DGKB: variants seen among roughly 807,000 people sequenced by gnomAD.
DGKB encodes the protein 90 kDa diacylglycerol kinase.
A neutral mutation model predicts 114.3 loss-of-function variants in DGKB; 67 were observed. The ratio of observed to expected loss-of-function variants is 0.59; its 90% CI spans 0.48 to 0.72. The LOEUF (loss-of-function observed/expected upper bound fraction) is 0.72. Among genes scored for constraint, DGKB ranks in the 30% least tolerant of loss-of-function variants. The pLI is 0.00. For synonymous variants in DGKB, 398 were observed against 323.1 expected (o/e 1.23, Z -2.49); for missense variants, 907 against 975.2 (o/e 0.93, Z 0.93).
At chr7:14,935,532 C>G (rs750245617) in intron 1 of DGKB, among the ~76,000 whole-genome samples, 58 of 152,034 alleles carry the variant, frequency 3.8e-4, no homozygotes, top group Admixed American at 7.2e-4. Context: ...TCATAGTAAT[C>G]ATAAATAGCA....
intron 20 of DGKB, among the ~76,000 whole-genome samples, chr7:14,562,419 C>A (rs1057145754): frequency 6.6e-6 from 1 of 152,172 alleles, no homozygotes; most frequent in African/African-American, 2.4e-5. Flanking sequence ...ATCCTCCACA[C>A]CCCAGAATGG....
chr7:14,395,975 C>T (rs1181856852), intron 21 of DGKB, among the ~76,000 whole-genome samples: 1 of 151,904 alleles, frequency 6.6e-6, no homozygotes, highest in Non-Finnish European at 1.5e-5. Context: ...ATTTGAAGGA[C>T]TGCTTTCAAT....
chr7:14,971,584 A>G (rs1485849067), intron 1 of DGKB, among the ~76,000 whole-genome samples: 1 of 152,162 alleles, frequency 6.6e-6, no homozygotes, highest in East Asian at 1.9e-4. Context: ...ACATTTCTGA[A>G]ACCAACTAGG....
chr7:14,443,411 T>C lies in DGKB; in HGVS notation c.1835+34750A>G, dbSNP rs75364532. ...ACCTTTTATTCTGGGCAAAAATAAA[T>C]TTTAGCACTTCCTTAAGTGAAAATT... On this transcript the variant is annotated intron_variant, in intron 21 of 25. Coordinates refer to ENST00000402815, the MANE Select transcript of DGKB (RefSeq NM_001350709.2). 2.5e-3 allele frequency among the ~76,000 whole-genome samples: 378 copies of C among 152,268 alleles called. 1 individual carries two copies. Among genetic ancestry groups the C allele is most frequent in the African/African-American group, 8.5e-3 (354 of 41,576 alleles).
intron 1 of DGKB, among the ~76,000 whole-genome samples, chr7:14,878,453 A>T (rs1047678489): frequency 6.6e-6 from 1 of 152,164 alleles, no homozygotes; most frequent in African/African-American, 2.4e-5. Flanking sequence ...TATTAAAAAT[A>T]TCAAAGAGTT....
At chr7:14,418,392 T>TGTGTGTATATATATACACAC (rs1554421159) in intron 21 of DGKB, among the ~76,000 whole-genome samples, 2 of 137,076 alleles carry the variant, frequency 1.5e-5, no homozygotes, top group African/African-American at 5.6e-5. Context: ...TATATATATA[T>TGTGTGTATATATATACACAC]ACACACACAC....
intron 2 of DGKB, among the ~76,000 whole-genome samples, chr7:14,810,291 T>G (rs148806313): frequency 6.0e-4 from 91 of 152,290 alleles, no homozygotes; most frequent in Admixed American, 5.9e-4. Context: ...TGAAACCTAG[T>G]CACTCATGGC....
At chr7:14,496,835 T>C (rs1036976753) in intron 20 of DGKB, among the ~76,000 whole-genome samples, 3 of 151,870 alleles carry the variant, frequency 2.0e-5, no homozygotes, top group Non-Finnish European at 1.5e-5. Flanking sequence ...TCAGTGATTA[T>C]GTAGTCCTAT....
At chr7:14,428,846 C>T (rs575923154) in intron 21 of DGKB, among the ~76,000 whole-genome samples, 14 of 152,050 alleles carry the variant, frequency 9.2e-5, no homozygotes, top group Admixed American at 3.3e-4. Context: ...CATTCAGATG[C>T]TAGGAAAACA....
intron 2 of DGKB, among the ~76,000 whole-genome samples, chr7:14,822,045 G>C (rs1285457844): frequency 2.0e-5 from 3 of 152,132 alleles, no homozygotes; most frequent in African/African-American, 7.2e-5. Context: ...AATTAAAAAT[G>C]CAATAGCCTA....
chr7:14,504,233 C>A (rs749735831), intron 20 of DGKB, among the ~76,000 whole-genome samples: 2 of 152,082 alleles, frequency 1.3e-5, no homozygotes, highest in Admixed American at 6.5e-5. Flanking sequence ...TTTCATGGAG[C>A]CTTGTGTAAT....
At chr7:14,552,881 A>C (rs1230000993) in intron 20 of DGKB, among the ~76,000 whole-genome samples, 1 of 152,246 alleles carries the variant, frequency 6.6e-6, no homozygotes, top group Non-Finnish European at 1.5e-5. Context: ...ATGATAAGGC[A>C]GGGTCAGCGT....
chr7:14,343,158 CA>C (rs1218420220), intron 22 of DGKB, among the ~76,000 whole-genome samples: 2 of 1,188 alleles, frequency 1.7e-3, no homozygotes, highest in Non-Finnish European at 9.5e-3. Context: ...CCTAGCTATC[CA>C]CACACACACA....
At chr7:14,206,155 A>C (rs1786772872) in intron 23 of DGKB, among the ~76,000 whole-genome samples, 1 of 152,050 alleles carries the variant, frequency 6.6e-6, no homozygotes, top group South Asian at 2.1e-4. Context: ...GTCTATACTA[A>C]GAAAGACTGT....
At chr7:14,543,048 A>G (rs1563457937) in intron 20 of DGKB, among the ~76,000 whole-genome samples, 1 of 152,154 alleles carries the variant, frequency 6.6e-6, no homozygotes, top group African/African-American at 2.4e-5. Context: ...TGTCCATGTC[A>G]TTTTTCATTC....
In DGKB at chr7:14,653,431, C is replaced by T. The variant is rs1172423788; in HGVS notation, c.1134+19498G>A. 3.9e-5 allele frequency among the ~76,000 whole-genome samples: 6 copies of T among 151,904 alleles called. No individual in the cohort carries two copies. The East Asian group carries it at 7.7e-4, about 20-fold the overall frequency. On this transcript the variant is annotated intron_variant, in intron 13 of 25. Transcript: ENST00000402815. ...CAAAAAACCAAACACCGCATATTCT[C>T]ACTCATAGGTGGGAATTGAACAATG...
chr7:14,498,232 T>A (rs1002891166), intron 20 of DGKB, among the ~76,000 whole-genome samples: 1 of 151,878 alleles, frequency 6.6e-6, no homozygotes, highest in Non-Finnish European at 1.5e-5. Context: ...TAATAGCATT[T>A]GTTGATTTGT....
chr7:14,671,351 C>T (rs1337031347), intron 13 of DGKB, among the ~76,000 whole-genome samples: 2 of 152,086 alleles, frequency 1.3e-5, no homozygotes, highest in East Asian at 3.9e-4. Context: ...CAATAGTCAT[C>T]ACACGCTTCA....
intron 23 of DGKB, among the ~76,000 whole-genome samples, chr7:14,259,473 C>T (rs1796446458): frequency 1.3e-5 from 2 of 151,882 alleles, no homozygotes; most frequent in Admixed American, 1.3e-4. Context: ...GTCACGCAGG[C>T]TGGAGTGCGG....
Sources: allele counts gnomAD v4.1 joint callset (sites outside exome capture counted in the v4.1 genomes callset), GRCh38; gene constraint gnomAD v4.1.1; transcripts MANE v1.5; gene names NCBI Gene and HGNC (gene_info 2026-07-23, HGNC 2026-07-21).